GMPS: variants seen among roughly 807,000 people sequenced by gnomAD.
The protein encoded by GMPS is GMP synthase [glutamine-hydrolyzing].
A neutral mutation model predicts 77.9 loss-of-function variants in GMPS; 15 were observed. That is an observed-to-expected ratio of 0.19 (90% CI 0.13 to 0.30). The LOEUF (loss-of-function observed/expected upper bound fraction) is 0.30, where lower values mean the gene tolerates loss of function less well. Ranked by LOEUF, GMPS falls within the 10% of genes least tolerant of loss-of-function variation. The probability of loss-of-function intolerance (pLI) is 1.00; values close to 1 mark genes in which losing one functional copy is unlikely to be tolerated. For missense variants in GMPS, 590 were observed against 838.8 expected (o/e 0.70, Z 3.66); for synonymous variants, 224 against 275.9 (o/e 0.81, Z 1.86).
intron 12 of GMPS, 82 bp from the exon 13 acceptor site, chr3:155,931,683 T>TTAA (rs745576751): frequency 0.017 from 6,780 of 396,734 alleles, 128 homozygotes; most frequent in South Asian, 0.027. Context: ...CTTTTTTTTT[T>TTAA]AAAAAAAAAA....
In GMPS at chr3:155,910,687, T is replaced by C; in HGVS notation, c.527-5T>C. The C allele has an allele frequency of 6.7e-7, 1 of 1,503,702 alleles. No individual in the cohort carries two copies. The highest frequency in any genetic ancestry group is 9.0e-7 in the Non-Finnish European group (1 of 1,114,690). 93.1% of individuals were successfully genotyped at this position (1,503,702 alleles called of 1,614,324 possible). A position where few individuals can be genotyped will look rare whatever the true frequency, so the allele number is the denominator to read the frequency against. On this transcript the variant is annotated splice_region_variant and splice_polypyrimidine_tract_variant and intron_variant, in intron 5 of 15. Coordinates refer to ENST00000496455, the MANE Select transcript of GMPS (RefSeq NM_003875.3). ...TTTTAATTTGTGACTATTTTCTCTA[T>C]AAAGGCATAGCAAATGAATCTAAAA...
intron 3 of GMPS, among the ~76,000 whole-genome samples, chr3:155,902,048 A>G (rs555631279): frequency 6.6e-6 from 1 of 152,238 alleles, no homozygotes; most frequent in East Asian, 1.9e-4. Flanking sequence ...ATAAGAGGAG[A>G]TGATCTGATT....
At chr3:155,880,223 G>A (rs538192167) in intron 1 of GMPS, among the ~76,000 whole-genome samples, 186 of 152,168 alleles carry the variant, frequency 1.2e-3, no homozygotes, top group Non-Finnish European at 2.2e-3. Context: ...TCTTATTTAT[G>A]TCTTTGTTTC....
In GMPS at chr3:155,923,048, A is replaced by T. The variant is rs920741599; in HGVS notation, c.1434+746A>T. ...CACATATAGAAGTATGGCACCATGAATGAGAAAGGAAAAAACTGTCAGAAC... is the reference window on the plus strand; with the variant it reads ...CACATATAGAAGTATGGCACCATGATTGAGAAAGGAAAAAACTGTCAGAAC... On this transcript the variant is annotated intron_variant, in intron 11 of 15. Transcript: ENST00000496455. Among the ~76,000 whole-genome samples the T allele has an allele frequency of 2.6e-5, 4 of 152,190 alleles. No individual in the cohort carries two copies. In the South Asian group the frequency reaches 8.3e-4, roughly 31 times the overall value.
At position 155,916,063 on chromosome 3, in the gene GMPS, G is replaced by A. The variant is rs1448794448; in HGVS notation, c.1083G>A (p.Glu361=). 1 of 1,613,310 alleles carries A rather than the reference G, an allele frequency of 6.2e-7. No homozygotes were observed. Among genetic ancestry groups the A allele is most frequent in the African/African-American group, 1.3e-5 (1 of 74,900 alleles). Residue 361 remains glutamate, a synonymous_variant, in exon 9 of 16, where the codon GAG becomes GAA. Transcript: ENST00000496455. ...VIGEMNLKPE[E]VFLAQGTLRP... ...GAGAAATGAACTTGAAACCAGAGGAGGTTTTCCTTGCCCAAGGTACTTTAC... is the reference window on the plus strand; with the variant it reads ...GAGAAATGAACTTGAAACCAGAGGAAGTTTTCCTTGCCCAAGGTACTTTAC...
chr3:155,900,582 CTTTAA>C (rs1396271278), intron 3 of GMPS, among the ~76,000 whole-genome samples: 8 of 152,078 alleles, frequency 5.3e-5, no homozygotes, highest in African/African-American at 1.2e-4. Context: ...AAAAATGCTC[CTTTAA>C]TTTAAGAGAT....
intron 11 of GMPS, among the ~76,000 whole-genome samples, chr3:155,924,291 G>A (rs1359052308): frequency 6.6e-6 from 1 of 152,204 alleles, no homozygotes; most frequent in Non-Finnish European, 1.5e-5. Flanking sequence ...GACTAAAACT[G>A]AAACAAACAT....
chr3:155,906,235 T>G lies in GMPS; in HGVS notation c.498T>G (p.Val166=). ...SVDKVADGFK[V]VARSGNIVAG... is the part of the protein sequence containing the mutation. ...ACAAAGTAGCTGATGGATTCAAGGT[T>G]GTGGCACGTTCTGGAAACATAGTAG... Residue 166 remains valine (V), a synonymous_variant, in exon 5 of 16, where the codon GTT becomes GTG. Transcript: ENST00000496455. The G allele has an allele frequency of 6.2e-7, 1 of 1,610,710 alleles. No homozygotes were observed. Among genetic ancestry groups the G allele is most frequent in the South Asian group, 1.1e-5 (1 of 90,576 alleles).
At chr3:155,897,867 G>T in intron 2 of GMPS, 60 bp from the exon 3 acceptor site, 1 of 857,484 alleles carries the variant, frequency 1.2e-6, no homozygotes, top group South Asian at 1.4e-5. Flanking sequence ...AGGGAGAGAG[G>T]GCATAGACCT....
At chr3:155,893,255 T>C (rs1754517293) in intron 1 of GMPS, among the ~76,000 whole-genome samples, 1 of 152,226 alleles carries the variant, frequency 6.6e-6, no homozygotes, top group South Asian at 2.1e-4. Flanking sequence ...ATCATGCATG[T>C]AAGATATATA....
chr3:155,892,403 A>G (rs913511172), intron 1 of GMPS, among the ~76,000 whole-genome samples: 7 of 152,162 alleles, frequency 4.6e-5, no homozygotes, highest in African/African-American at 1.7e-4. Flanking sequence ...CAGGATAGAA[A>G]CCAGACGAGT....
At chr3:155,916,924 C>T (rs1276269496) in intron 9 of GMPS, among the ~76,000 whole-genome samples, 1 of 151,918 alleles carries the variant, frequency 6.6e-6, no homozygotes, top group Non-Finnish European at 1.5e-5. Flanking sequence ...TTGTTGTTAT[C>T]TCTTTTCTTA....
intron 9 of GMPS, among the ~76,000 whole-genome samples, chr3:155,918,876 T>C (rs1321405621): frequency 1.3e-5 from 2 of 152,226 alleles, no homozygotes; most frequent in African/African-American, 2.4e-5. Flanking sequence ...GTGAGTTGTC[T>C]TCATTTTCTC....
At chr3:155,918,375 C>G (rs939853163) in intron 9 of GMPS, among the ~76,000 whole-genome samples, 3 of 152,184 alleles carry the variant, frequency 2.0e-5, no homozygotes, top group Non-Finnish European at 4.4e-5. Context: ...TTGCTTGAAC[C>G]TGGGAGGCAG....
chr3:155,871,032 C>G (rs758157173), intron 1 of GMPS, 135 bp downstream of exon 1: 50 of 724,398 alleles, frequency 6.9e-5, no homozygotes, highest in Non-Finnish European at 9.5e-5. Flanking sequence ...GGCAGCCACG[C>G]GTCGTAGAGT....
intron 1 of GMPS, among the ~76,000 whole-genome samples, chr3:155,876,224 G>A (rs982078848): frequency 2.6e-5 from 4 of 152,168 alleles, no homozygotes; most frequent in Admixed American, 1.3e-4. Context: ...ATCTTGCAAG[G>A]TGAGGAGTGG....
chr3:155,885,684 T>A (rs1754318919), intron 1 of GMPS, among the ~76,000 whole-genome samples: 1 of 152,254 alleles, frequency 6.6e-6, no homozygotes, highest in Non-Finnish European at 1.5e-5. Flanking sequence ...TTATACTTAC[T>A]GTTTGAGTGC....
intron 9 of GMPS, among the ~76,000 whole-genome samples, chr3:155,917,228 C>T (rs1755204559): frequency 6.6e-6 from 1 of 152,186 alleles, no homozygotes; most frequent in African/African-American, 2.4e-5. Flanking sequence ...CTGCCTCTGC[C>T]TCCCAAAGTG....
intron 5 of GMPS, among the ~76,000 whole-genome samples, chr3:155,906,732 T>G (rs1014915209): frequency 1.3e-5 from 2 of 152,232 alleles, no homozygotes; most frequent in African/African-American, 4.8e-5. Context: ...TTGCCTTTTT[T>G]TAATGTCCAG....
Sources: gnomAD v4.1 joint callset for allele counts (sites outside exome capture counted in the v4.1 genomes callset) on GRCh38, gnomAD v4.1.1 for gene constraint, MANE v1.5 for transcripts, NCBI Gene and HGNC (gene_info 2026-07-23, HGNC 2026-07-21) for gene names.